The following AGMO variants were observed in gnomAD, a reference collection of about 807,000 sequenced individuals.
The protein encoded by AGMO is glyceryl-ether monooxygenase.
Under a neutral mutation model 60.2 loss-of-function variants are expected in AGMO, and 75 were observed. The ratio of observed to expected loss-of-function variants is 1.25; its 90% CI spans 1.03 to 1.51. The LOEUF (loss-of-function observed/expected upper bound fraction) is 1.51. AGMO is among the 40% of genes most tolerant of loss of function. AGMO has a pLI of 0.00. For synonymous variants in AGMO, 261 were observed against 177.1 expected (o/e 1.47, Z -3.76); for missense variants, 763 against 525.5 (o/e 1.45, Z -4.42).
chr7:15,466,506 G>C (rs554729986), intron 3 of AGMO, among the ~76,000 whole-genome samples: 148 of 152,226 alleles, frequency 9.7e-4, no homozygotes, highest in Non-Finnish European at 1.7e-3. Flanking sequence ...TCATGTTATA[G>C]GTGAAGAAAA....
intron 3 of AGMO, among the ~76,000 whole-genome samples, chr7:15,506,957 G>T (rs1000191134): frequency 1.3e-5 from 2 of 151,830 alleles, no homozygotes; most frequent in South Asian, 4.1e-4. Context: ...AAGAATTGTG[G>T]TCTCATGTAC....
intron 3 of AGMO, among the ~76,000 whole-genome samples, chr7:15,442,379 G>C (rs11977851): frequency 0.36 from 54,604 of 151,752 alleles, 11,060 homozygotes; most frequent in Non-Finnish European, 0.48. Context: ...ATCAGGTCTT[G>C]CTACAACAGG....
chr7:15,385,645 AAG>A, intron 9 of AGMO, 83 bp from the exon 10 acceptor site: 1 of 780,812 alleles, frequency 1.3e-6, no homozygotes, highest in African/African-American at 1.8e-5. Flanking sequence ...TATTTGAAAA[AAG>A]TATCTGCTAT....
At chr7:15,224,212 C>G (rs1462639551) in intron 12 of AGMO, among the ~76,000 whole-genome samples, 1 of 151,948 alleles carries the variant, frequency 6.6e-6, no homozygotes, top group Admixed American at 6.6e-5. Flanking sequence ...GAACTACACT[C>G]TTGTCAGCAA....
At chr7:15,374,388 C>G (rs779918813) in intron 10 of AGMO, among the ~76,000 whole-genome samples, 3 of 151,964 alleles carry the variant, frequency 2.0e-5, no homozygotes, top group African/African-American at 4.8e-5. Flanking sequence ...GTATAATTAA[C>G]ATATAGTTCA....
At chr7:15,261,531 A>G (rs1783270818) in intron 12 of AGMO, among the ~76,000 whole-genome samples, 2 of 152,214 alleles carry the variant, frequency 1.3e-5, no homozygotes, top group Middle Eastern at 3.4e-3. Context: ...ACACACAAAA[A>G]AAGTCCAGGA....
At chr7:15,142,344 G>C in the AGMO span, among the ~76,000 whole-genome samples, 1 of 152,080 alleles carries the variant, frequency 6.6e-6, no homozygotes, top group Non-Finnish European at 1.5e-5. Context: ...AAAGAAGCAA[G>C]ACCCACCAAC....
At chr7:15,351,513 C>A (rs1782242273) in intron 12 of AGMO, among the ~76,000 whole-genome samples, 2 of 151,982 alleles carry the variant, frequency 1.3e-5, no homozygotes, top group African/African-American at 4.8e-5. Flanking sequence ...GATTTTTAGC[C>A]AGCAGAAGAA....
At chr7:15,137,235 C>A in the AGMO span, among the ~76,000 whole-genome samples, 1 of 152,144 alleles carries the variant, frequency 6.6e-6, no homozygotes, top group African/African-American at 2.4e-5. Flanking sequence ...TTTGCATATT[C>A]TTTTCATCAA....
At chr7:15,133,535 G>C in the AGMO span, among the ~76,000 whole-genome samples, 2 of 152,060 alleles carry the variant, frequency 1.3e-5, no homozygotes, top group Non-Finnish European at 2.9e-5. Context: ...AAGGGATAAG[G>C]ACCAAGAGGC....
chr7:15,419,981 T>C (rs1472266642), intron 4 of AGMO, among the ~76,000 whole-genome samples: 1 of 152,096 alleles, frequency 6.6e-6, no homozygotes, highest in Non-Finnish European at 1.5e-5. Context: ...TTGCAAAACA[T>C]ATATGGCCTA....
At chr7:15,289,695 T>G (rs560347628) in intron 12 of AGMO, among the ~76,000 whole-genome samples, 1 of 152,156 alleles carries the variant, frequency 6.6e-6, no homozygotes, top group Non-Finnish European at 1.5e-5. Flanking sequence ...GTCTAAGGAG[T>G]AATTCAAAGA....
chr7:15,471,171 C>T (rs966901719), intron 3 of AGMO, among the ~76,000 whole-genome samples: 1 of 151,944 alleles, frequency 6.6e-6, no homozygotes, highest in African/African-American at 2.4e-5. Context: ...TCCATTTCCT[C>T]TATCATGCTT....
intron 3 of AGMO, among the ~76,000 whole-genome samples, chr7:15,436,240 T>A (rs979963816): frequency 5.3e-5 from 8 of 152,202 alleles, no homozygotes; most frequent in African/African-American, 1.9e-4. Context: ...ACAGAATACC[T>A]GAGGCTGTGG....
chr7:15,137,613 C>T, the AGMO span, among the ~76,000 whole-genome samples: 1 of 151,988 alleles, frequency 6.6e-6, no homozygotes, highest in South Asian at 2.1e-4. Flanking sequence ...AGCATACAAA[C>T]CAAAGATGGA....
intron 12 of AGMO, among the ~76,000 whole-genome samples, chr7:15,349,570 C>T (rs1782159517): frequency 6.6e-6 from 1 of 152,002 alleles, no homozygotes; most frequent in African/African-American, 2.4e-5. Flanking sequence ...TCACAGGTTC[C>T]TAGAAATCCT....
chr7:15,241,304 C>T (rs1427724455), intron 12 of AGMO, among the ~76,000 whole-genome samples: 1 of 150,694 alleles, frequency 6.6e-6, no homozygotes. Context: ...ACTAAAAATA[C>T]AAAAAATTAG....
chr7:15,553,594 T>G (rs949039376), intron 2 of AGMO, among the ~76,000 whole-genome samples: 1 of 151,990 alleles, frequency 6.6e-6, no homozygotes, highest in African/African-American at 2.4e-5. Flanking sequence ...TTTAATACCT[T>G]TTTTAAAAAA....
the AGMO span, among the ~76,000 whole-genome samples, chr7:15,157,829 A>G: frequency 6.6e-6 from 1 of 152,214 alleles, no homozygotes; most frequent in African/African-American, 2.4e-5. Context: ...AATACTTGCA[A>G]TAATTCCATT....
Sources: allele counts gnomAD v4.1 joint callset (sites outside exome capture counted in the v4.1 genomes callset), GRCh38; gene constraint gnomAD v4.1.1; transcripts MANE v1.5; gene names NCBI Gene and HGNC (gene_info 2026-07-23, HGNC 2026-07-21).